MOK: variants seen among roughly 807,000 people sequenced by gnomAD.
The protein encoded by MOK is MOK protein kinase.
Under a neutral mutation model 54.2 loss-of-function variants are expected in MOK, and 59 were observed. The observed-to-expected ratio is 1.09, with a 90% CI of 0.88 to 1.35. MOK has a LOEUF of 1.35. Among genes scored for constraint, MOK ranks in the 40% most tolerant of loss-of-function variants. MOK has a pLI of 0.00. For synonymous variants in MOK, 210 were observed against 202.7 expected, an observed-to-expected ratio of 1.04 and a Z score of -0.31; for missense variants, 517 against 526.2, an observed-to-expected ratio of 0.98 and a Z score of 0.17.
chr14:102,261,403 AAAAAAAAAAAAAAAAATATATATATAT>A, intron 4 of MOK, among the ~76,000 whole-genome samples: 1 of 80,334 alleles, frequency 1.2e-5, no homozygotes, highest in Non-Finnish European at 2.4e-5. Context: ...AAAAAAAAAA[AAAAAAAAAAAAAAAAATATATATATAT>A]ATATATATAT....
Position 102,231,666 on chromosome 14 carries a change from G to A in MOK, c.981+41C>T, listed in dbSNP as rs758377896. 48 of 1,578,552 alleles carry A rather than the reference G, an allele frequency of 3.0e-5. No homozygotes were observed. Among genetic ancestry groups the A allele is most frequent in the Middle Eastern group, 2.3e-4 (1 of 4,368 alleles). On this transcript the variant is annotated intron_variant, in intron 10 of 11. Coordinates refer to ENST00000361847, the MANE Select transcript of MOK (RefSeq NM_014226.3). The surrounding 1 kb of genome is among the most constrained non-coding windows in gnomAD (Gnocchi z 4.4). The stretch of plus-strand genomic sequence containing the variant: ...AGGCCACCCGAGGGCATCCAGTCCC[G>A]GCTGAGCTAGGCAGTCTCCGGCTCC...
chr14:102,265,247 CCTAA>C (rs1011184154), intron 3 of MOK, among the ~76,000 whole-genome samples: 3 of 152,178 alleles, frequency 2.0e-5, no homozygotes, highest in Admixed American at 6.5e-5. Flanking sequence ...ACCTTAGCAG[CCTAA>C]CTGAGCTCCA....
chr14:102,231,288 CCTGTCACTGGCTGGGTGGG>C lies in MOK; in HGVS notation c.981+400_981+418del. On this transcript the variant is annotated intron_variant, in intron 10 of 11. Coordinates refer to ENST00000361847, the MANE Select transcript of MOK (RefSeq NM_014226.3). The surrounding 1 kb of genome is among the most constrained non-coding windows in gnomAD (Gnocchi z 4.4). The stretch of plus-strand genomic sequence containing the variant: ...GCCAGGCAGAGACAGTGACTTGAGA[CCTGTCACTGGCTGGGTGGG>C]TGACTTGGGCCAGCATTGCATCTTC... The C allele has an allele frequency of 6.3e-6, 1 of 158,004 alleles. No individual in the cohort carries two copies. The highest frequency in any genetic ancestry group is 1.4e-5 in the Non-Finnish European group (1 of 72,108). 9.8% of individuals were successfully genotyped at this position (158,004 alleles called of 1,614,324 possible).
intron 1 of MOK, among the ~76,000 whole-genome samples, chr14:102,289,047 C>T (rs923602681): frequency 2.9e-4 from 44 of 152,060 alleles, no homozygotes; most frequent in Admixed American, 1.7e-3. Context: ...GGACTACAGG[C>T]ACCCGCCACC....
intron 4 of MOK, among the ~76,000 whole-genome samples, chr14:102,258,302 G>A (rs571584528): frequency 6.6e-6 from 1 of 152,112 alleles, no homozygotes; most frequent in Admixed American, 6.5e-5. Context: ...TCTCCTTCAT[G>A]TCCTCCAGCC....
At position 102,229,043 on chromosome 14, in the gene MOK, C is replaced by A; in HGVS notation, c.*246G>T. 6.0e-6 allele frequency: 3 copies of A among 502,854 alleles called. No homozygotes were observed. The highest frequency in any genetic ancestry group is 3.8e-5 in the Admixed American group (1 of 26,496). The allele number at this position is 502,854 out of a possible 1,614,324, so 31.1% of individuals were successfully genotyped here. On this transcript the variant is annotated 3_prime_UTR_variant, in exon 12 of 12. Coordinates refer to ENST00000361847, the MANE Select transcript of MOK (RefSeq NM_014226.3). Reference sequence around the variant, plus strand: ...TACAAAGTATTTCCTGCCCCAAATTCTTAACGAAAATGAAAGAAAACCCTA... The same window carrying A: ...TACAAAGTATTTCCTGCCCCAAATTATTAACGAAAATGAAAGAAAACCCTA...
At chr14:102,270,056 A>C (rs1349635164) in intron 2 of MOK, among the ~76,000 whole-genome samples, 1 of 152,228 alleles carries the variant, frequency 6.6e-6, no homozygotes, top group Non-Finnish European at 1.5e-5. Context: ...ACATTTCAAG[A>C]CTGAAAACTT....
At chr14:102,278,311 T>C (rs2069075084) in intron 2 of MOK, among the ~76,000 whole-genome samples, 1 of 152,004 alleles carries the variant, frequency 6.6e-6, no homozygotes, top group Admixed American at 6.6e-5. Flanking sequence ...ATGTTGATTC[T>C]GGCTGCTGGA....
chr14:102,277,427 A>T (rs1356089772), intron 2 of MOK: 2 of 152,128 alleles, frequency 1.3e-5, no homozygotes, highest in South Asian at 2.1e-4. Flanking sequence ...GTTCAAGACG[A>T]GCCTGTCCAG....
At chr14:102,302,274 T>G (rs1359758009) in intron 1 of MOK, among the ~76,000 whole-genome samples, 1 of 137,662 alleles carries the variant, frequency 7.3e-6, no homozygotes, top group South Asian at 2.4e-4. Flanking sequence ...GGTTTCACCA[T>G]GTTGACCAGG....
the MOK span, among the ~76,000 whole-genome samples, chr14:102,219,235 C>T: frequency 6.6e-6 from 1 of 152,340 alleles, no homozygotes; most frequent in East Asian, 1.9e-4. Flanking sequence ...TCATTTGATT[C>T]TCTTTTGAAT....
intron 2 of MOK, among the ~76,000 whole-genome samples, chr14:102,268,348 T>G (rs1488302766): frequency 2.6e-5 from 4 of 151,332 alleles, no homozygotes; most frequent in Non-Finnish European, 5.9e-5. Flanking sequence ...TCAAATCAAC[T>G]CTGTCCCCTC....
chr14:102,225,018 G>A (rs2064186215), downstream of MOK: 1 of 329,336 alleles, frequency 3.0e-6, no homozygotes, highest in East Asian at 8.3e-5. Context: ...AGTGAACTGC[G>A]GGTGTATTTG....
chr14:102,238,811 C>T lies in MOK; in HGVS notation c.591-5022G>A, dbSNP rs952647689. Among the ~76,000 whole-genome samples, 8 of 152,158 alleles carry T rather than the reference C, an allele frequency of 5.3e-5. No individual in the cohort carries two copies. The highest frequency in any genetic ancestry group is 1.9e-4 in the African/African-American group (8 of 41,422). On this transcript the variant is annotated intron_variant, in intron 7 of 11. Coordinates refer to ENST00000361847, the MANE Select transcript of MOK (RefSeq NM_014226.3). This position sits in a 1 kb window ranked among gnomAD's most constrained non-coding sequence, Gnocchi z 4.8. Reference sequence around the variant, plus strand: ...CTTCTCCCCTCACCTATTTACCTCACTAAAAAGTATAACTTCAAAATGTCA... The same window carrying T: ...CTTCTCCCCTCACCTATTTACCTCATTAAAAAGTATAACTTCAAAATGTCA...
intron 3 of MOK, chr14:102,263,899 A>C: frequency 1.1e-5 from 3 of 264,536 alleles, no homozygotes. Flanking sequence ...AAGAAGAAAA[A>C]GGTTGGGGAG....
intron 1 of MOK, among the ~76,000 whole-genome samples, chr14:102,294,308 T>C (rs1198040524): frequency 2.6e-5 from 4 of 151,890 alleles, no homozygotes; most frequent in Non-Finnish European, 5.9e-5. Context: ...TAGCCAGGCG[T>C]GGTGGTGGGC....
At chr14:102,300,384 CAAA>C (rs36070143) in intron 1 of MOK, among the ~76,000 whole-genome samples, 7 of 133,180 alleles carry the variant, frequency 5.3e-5, no homozygotes, top group Non-Finnish European at 4.8e-5. Flanking sequence ...CCATCTCCAC[CAAA>C]AAAAAAAAAA....
At chr14:102,222,601 A>G (rs1043181247), downstream of MOK, among the ~76,000 whole-genome samples, 2 of 152,112 alleles carry the variant, frequency 1.3e-5, no homozygotes, top group Non-Finnish European at 2.9e-5. The surrounding 1 kb of genome is among the most constrained non-coding windows in gnomAD (Gnocchi z 4.4). Flanking sequence ...CTTCTCTTGG[A>G]CGGTATTGAG....
At chr14:102,294,861 C>G (rs1376394174) in intron 1 of MOK, among the ~76,000 whole-genome samples, 2 of 152,154 alleles carry the variant, frequency 1.3e-5, no homozygotes, top group Non-Finnish European at 2.9e-5. Context: ...TCGAAACCAT[C>G]ACAACCAGCA....
Sources: gnomAD v4.1 joint callset for allele counts (sites outside exome capture counted in the v4.1 genomes callset) on GRCh38, gnomAD v4.1.1 for gene constraint, Gnocchi (gnomAD v3.1) non-coding constraint, MANE v1.5 for transcripts, NCBI Gene and HGNC (gene_info 2026-07-23, HGNC 2026-07-21) for gene names.